The following TUBGCP2 variants were observed in gnomAD, a reference collection of about 807,000 sequenced individuals.
TUBGCP2 encodes gamma-tubulin complex component 2.
TUBGCP2 carries 55 observed loss-of-function variants against 92.2 expected under a neutral mutation model. The observed-to-expected ratio is 0.60, with a 90% CI of 0.48 to 0.75. TUBGCP2 has a LOEUF of 0.75. Ranked by LOEUF, TUBGCP2 falls within the 30% of genes least tolerant of loss-of-function variation. TUBGCP2 has a pLI of 0.00. For missense variants in TUBGCP2, 1,093 were observed against 1,188.9 expected, an observed-to-expected ratio of 0.92 and a Z score of 1.19; for synonymous variants, 533 against 505.2, an observed-to-expected ratio of 1.06 and a Z score of -0.74.
intron 9 of TUBGCP2, 140 bp downstream of exon 9, chr10:133,289,684 C>T: frequency 9.3e-7 from 1 of 1,069,530 alleles, no homozygotes. Context: ...GTCCTGACCT[C>T]AGCCCCGCAT....
rs770805218 is a variant in TUBGCP2, at chr10:133,289,834, G to A, written c.1350C>T (p.Ile450=). The A allele has an allele frequency of 2.1e-5, 10 of 471,240 alleles. No individual in the cohort carries two copies. The South Asian group carries it at 2.6e-4, about 12-fold the overall frequency. The allele number at this position is 471,240 out of a possible 1,614,324, so 29.2% of individuals were successfully genotyped here. The change falls in exon 9 of 18, where the codon ATC becomes ATT. Residue 450 remains isoleucine (I), a synonymous_variant. Coordinates refer to ENST00000252936, the MANE Select transcript of TUBGCP2 (RefSeq NM_006659.4). ...PSFLQKMADK[I]LSTGKYLNVV... ...CCCGCTGCGCCGCACCTGTGCTGAGGATCTTGTCCGCCATTTTCTGCAGGA... is the reference window on the plus strand; with the variant it reads ...CCCGCTGCGCCGCACCTGTGCTGAGAATCTTGTCCGCCATTTTCTGCAGGA...
chr10:133,297,895 G>A lies in TUBGCP2; in HGVS notation c.616+57C>T, dbSNP rs1271450252. ...CATGACATACCTATCGGCAGAGCCC[G>A]GAAATCAACGCATCACGTACCTATC... On this transcript the variant is annotated intron_variant, in intron 5 of 17. Coordinates refer to ENST00000252936, the MANE Select transcript of TUBGCP2 (RefSeq NM_006659.4). The A allele has an allele frequency of 6.3e-6, 10 of 1,590,832 alleles. No individual in the cohort carries two copies. In the African/African-American group the frequency reaches 6.7e-5, roughly 11 times the overall value.
chr10:133,282,052 T>C (rs879609079), intron 16 of TUBGCP2, among the ~76,000 whole-genome samples, 171 bp downstream of exon 16: 3 of 152,240 alleles, frequency 2.0e-5, no homozygotes, highest in Non-Finnish European at 4.4e-5. Flanking sequence ...CTGAGAAGAT[T>C]GTGAGAGGCT....
At chr10:133,300,269 T>C (rs1037653043) in intron 2 of TUBGCP2, 156 bp from the exon 3 acceptor site, 2 of 914,912 alleles carry the variant, frequency 2.2e-6, no homozygotes, top group South Asian at 1.8e-5. Context: ...CTCATCTCCA[T>C]ATTGTGTTAA....
chr10:133,288,278 C>T lies in TUBGCP2; in HGVS notation c.1573G>A (p.Gly525Ser), dbSNP rs749459258. Residue 525 changes from glycine to serine, a missense_variant, in exon 11 of 18, where the codon GGC becomes AGC. By Grantham distance (56) the Gly-to-Ser change is moderately conservative. This residue lies in a region of TUBGCP2 where 598 missense variants were observed against 675.5 expected (regional missense o/e 0.89). Transcript: ENST00000252936. Reference sequence around the variant, plus strand: ...TCCATGAAGTGCACGAAGAAGTCGCCCTGGTCCATGAGGAAGTAGCGCTTG... The same window carrying T: ...TCCATGAAGTGCACGAAGAAGTCGCTCTGGTCCATGAGGAAGTAGCGCTTG... ...SIKRYFLMDQGDFFVHFMDLA... is the reference protein window; with the variant it reads ...SIKRYFLMDQSDFFVHFMDLA... The T allele has an allele frequency of 1.7e-5, 28 of 1,613,478 alleles. No homozygotes were observed. The highest frequency in any genetic ancestry group is 2.3e-5 in the Non-Finnish European group (27 of 1,179,954).
chr10:133,292,937 G>C, intron 7 of TUBGCP2, 102 bp downstream of exon 7: 3 of 1,354,494 alleles, frequency 2.2e-6, no homozygotes, highest in Non-Finnish European at 3.0e-6. Context: ...CCCTGCCCTG[G>C]GCAGCTGCTC....
At chr10:133,280,850 T>C (rs999038907) in intron 17 of TUBGCP2, among the ~76,000 whole-genome samples, 2 of 102,936 alleles carry the variant, frequency 1.9e-5, no homozygotes, top group Admixed American at 1.9e-4. Context: ...TGGGCTGAGC[T>C]GGGGGAAGGC....
In TUBGCP2 at chr10:133,279,687, C is replaced by G; in HGVS notation, c.*79G>C. ...TAAACTGCAAAGACAGAACACAGAG[C>G]ATTCGATTTGAAAATTCTGGACCCA... On this transcript the variant is annotated 3_prime_UTR_variant, in exon 18 of 18. Coordinates refer to ENST00000252936, the MANE Select transcript of TUBGCP2 (RefSeq NM_006659.4). The G allele has an allele frequency of 3.4e-6, 5 of 1,462,126 alleles. No homozygotes were observed. Among genetic ancestry groups the G allele is most frequent in the Middle Eastern group, 1.8e-4 (1 of 5,624 alleles). The allele number at this position is 1,462,126 out of a possible 1,614,324, so 90.6% of individuals were successfully genotyped here. A position where few individuals can be genotyped will look rare whatever the true frequency, so the allele number is the denominator to read the frequency against.
intron 9 of TUBGCP2, 73 bp downstream of exon 9, chr10:133,289,751 G>A: frequency 2.6e-6 from 3 of 1,151,926 alleles, no homozygotes; most frequent in Non-Finnish European, 3.3e-6. Context: ...CCCGGTGGGA[G>A]GGCCTGGGCT....
intron 1 of TUBGCP2, chr10:133,308,560 G>A (rs918632811): frequency 5.7e-5 from 9 of 158,924 alleles, no homozygotes; most frequent in African/African-American, 2.2e-4. Flanking sequence ...CGGCTTCCCA[G>A]GGCTGGGAGG....
rs184674247 is a variant in TUBGCP2 at position 133,302,321 on chromosome 10, C to T, written c.150+471G>A. On this transcript the variant is annotated intron_variant, in intron 2 of 17. Transcript: ENST00000252936. ...CCCTGCACCAGGGGCAGTGCTCACC[C>T]TGCACCATCCTGACCCCGGGGTGGC... is the stretch of plus-strand genomic sequence containing the variant. 68 of 219,152 alleles carry T rather than the reference C, an allele frequency of 3.1e-4. 1 individual carries two copies. The East Asian group carries it at 3.4e-3, about 11-fold the overall frequency. 13.6% of individuals were successfully genotyped at this position (219,152 alleles called of 1,614,324 possible).
At chr10:133,292,815 C>T (rs1014161063) in intron 7 of TUBGCP2, 127 bp from the exon 8 acceptor site, 31 of 1,239,976 alleles carry the variant, frequency 2.5e-5, no homozygotes, top group South Asian at 3.0e-5. Context: ...CTTTGGGATA[C>T]GTATTAACTG....
At chr10:133,280,536 C>A (rs143639307) in intron 17 of TUBGCP2, among the ~76,000 whole-genome samples, 32 of 152,336 alleles carry the variant, frequency 2.1e-4, no homozygotes, top group Non-Finnish European at 3.4e-4. Context: ...GGGAAGCTGA[C>A]CCAGGCCTGA....
intron 5 of TUBGCP2, 31 bp from the exon 6 acceptor site, chr10:133,293,800 AGCCCCCACTCCCAT>A (rs1486101010): frequency 6.4e-6 from 10 of 1,553,754 alleles, no homozygotes; most frequent in South Asian, 2.4e-5. Context: ...GTGGCTCTGC[AGCCCCCACTCCCAT>A]GCCCCCACAG....
At chr10:133,310,417 G>A (rs1166837110), upstream of TUBGCP2, 14 of 1,194,678 alleles carry the variant, frequency 1.2e-5, no homozygotes, top group East Asian at 2.5e-5. Context: ...TTCACCTGCA[G>A]GTACCTGAAG....
In TUBGCP2 at chr10:133,308,858, G is replaced by T; in HGVS notation, c.-75C>A. Reference sequence around the variant, plus strand: ...GAGCCACAGCCCCCGCGCAGCCCCCGACGGCGGCGGAAGTGAGCGTGACGT... The same window carrying T: ...GAGCCACAGCCCCCGCGCAGCCCCCTACGGCGGCGGAAGTGAGCGTGACGT... On this transcript the variant is annotated 5_prime_UTR_variant, in exon 1 of 18. Coordinates refer to ENST00000252936, the MANE Select transcript of TUBGCP2 (RefSeq NM_006659.4). The T allele has an allele frequency of 8.7e-7, 1 of 1,146,660 alleles. No individual in the cohort carries two copies. The highest frequency in any genetic ancestry group is 1.1e-6 in the Non-Finnish European group (1 of 920,244). 71.0% of individuals were successfully genotyped at this position (1,146,660 alleles called of 1,614,324 possible). A position where few individuals can be genotyped will look rare whatever the true frequency, so the allele number is the denominator to read the frequency against.
At position 133,299,983 on chromosome 10, in the gene TUBGCP2, A is replaced by G. The variant is rs1003051253; in HGVS notation, c.279+2T>C. 2.5e-6 allele frequency: 4 copies of G among 1,613,778 alleles called. No individual in the cohort carries two copies. The highest frequency in any genetic ancestry group is 2.5e-6 in the Non-Finnish European group (3 of 1,179,816). Reference sequence around the variant, plus strand: ...AGTGTGGCACGTGGCATGGGCACCTACCTCTTTGTCTTCCGTGAGCTTTGA... The same window carrying G: ...AGTGTGGCACGTGGCATGGGCACCTGCCTCTTTGTCTTCCGTGAGCTTTGA... On this transcript the variant is annotated splice_donor_variant, in intron 3 of 17. Transcript: ENST00000252936. LOFTEE classifies it high-confidence loss of function.
chr10:133,284,058 C>T, intron 13 of TUBGCP2, 56 bp from the exon 14 acceptor site: 1 of 1,586,712 alleles, frequency 6.3e-7, no homozygotes, highest in Non-Finnish European at 8.6e-7. Flanking sequence ...CGACAGCGCC[C>T]ACCAAGTGAC....
At chr10:133,291,100 CAAAAGAA>C (rs1037009380) in intron 8 of TUBGCP2, 1 of 278,532 alleles carries the variant, frequency 3.6e-6, no homozygotes. Context: ...GTCCTGCACA[CAAAAGAA>C]TAAGGCCATA....
Sources: gnomAD v4.1 joint callset for allele counts (sites outside exome capture counted in the v4.1 genomes callset) on GRCh38, gnomAD v4.1.1 for gene constraint, gnomAD v4.1.1 regional missense constraint, MANE v1.5 for transcripts, NCBI Gene and HGNC (gene_info 2026-07-23, HGNC 2026-07-21) for gene names.